The following CCDC3 variants were observed in gnomAD, a reference collection of about 807,000 sequenced individuals.
CCDC3 encodes the protein coiled-coil domain containing 3.
A neutral mutation model predicts 21.4 loss-of-function variants in CCDC3; 24 were observed. That is an observed-to-expected ratio of 1.12 (90% CI 0.81 to 1.58). The LOEUF is 1.58. Ranked by LOEUF, CCDC3 falls within the 40% of genes most tolerant of loss-of-function variation. The pLI is 0.00. For synonymous variants in CCDC3, 186 were observed against 166.0 expected (o/e 1.12, Z -0.93); for missense variants, 425 against 360.9 (o/e 1.18, Z -1.44).
chr10:13,086,062 A>G (rs553990052), intron 3 of CCDC3, among the ~76,000 whole-genome samples: 113 of 152,282 alleles, frequency 7.4e-4, no homozygotes, highest in Admixed American at 1.6e-3. Context: ...GTGGTCATAA[A>G]GGGAAAATAT....
intron 4 of CCDC3, chr10:13,058,546 T>C: frequency 2.8e-6 from 2 of 715,260 alleles, no homozygotes; most frequent in South Asian, 1.5e-5. Flanking sequence ...GGGTGTGCTG[T>C]ATTTATTTTT....
In CCDC3 at chr10:12,929,042, T is replaced by G. The variant is rs1834595327; in HGVS notation, c.550-30363A>C. Among the ~76,000 whole-genome samples the G allele has an allele frequency of 6.6e-5, 10 of 152,004 alleles. No homozygotes were observed. In the South Asian group the frequency reaches 2.1e-3, roughly 32 times the overall value. On this transcript the variant is annotated intron_variant, in intron 2 of 2. Transcript: ENST00000378825. ...ACTTTGGGAGGCCTAGGTGGGTGGA[T>G]CATGAGGTCAGGAGTTCAAGACCAT...
At chr10:12,938,129 C>T (rs144762494) in intron 2 of CCDC3, among the ~76,000 whole-genome samples, 99 of 152,340 alleles carry the variant, frequency 6.5e-4, no homozygotes, top group Middle Eastern at 3.4e-3. Context: ...GTCCCTCAGC[C>T]TTTAGGGTTG....
intron 5 of CCDC3, among the ~76,000 whole-genome samples, chr10:13,018,751 C>T (rs537666300): frequency 1.8e-4 from 27 of 150,388 alleles, no homozygotes; most frequent in African/African-American, 5.4e-4. Context: ...GCCAATATGG[C>T]GAAACCCCGT....
At chr10:12,921,750 T>C (rs995374632) in intron 2 of CCDC3, among the ~76,000 whole-genome samples, 12 of 152,158 alleles carry the variant, frequency 7.9e-5, no homozygotes, top group African/African-American at 2.7e-4. Flanking sequence ...TGTTTTTTGT[T>C]TTTTGTTTTT....
At chr10:13,096,574 A>G (rs1459560903) in intron 3 of CCDC3, among the ~76,000 whole-genome samples, 1 of 152,172 alleles carries the variant, frequency 6.6e-6, no homozygotes, top group Non-Finnish European at 1.5e-5. Flanking sequence ...ACGGCCATGC[A>G]AAACTCCAGG....
At chr10:12,909,417 C>G (rs1384652502) in intron 2 of CCDC3, among the ~76,000 whole-genome samples, 1 of 152,180 alleles carries the variant, frequency 6.6e-6, no homozygotes, top group African/African-American at 2.4e-5. Context: ...CAGTGGGGCA[C>G]CCGGGGGCCA....
At chr10:13,023,820 A>G (rs529230606) in intron 5 of CCDC3, among the ~76,000 whole-genome samples, 16 of 152,286 alleles carry the variant, frequency 1.1e-4, no homozygotes, top group Admixed American at 2.0e-4. Context: ...TCTTGGGTGC[A>G]ACGCCTCTTT....
chr10:12,927,027 T>C (rs2131222722), intron 2 of CCDC3, among the ~76,000 whole-genome samples: 1 of 152,310 alleles, frequency 6.6e-6, no homozygotes, highest in Admixed American at 6.5e-5. Flanking sequence ...GAGTAGTATA[T>C]TAGCAACCAA....
At chr10:13,032,697 A>G (rs964820291) in intron 5 of CCDC3, among the ~76,000 whole-genome samples, 1 of 152,326 alleles carries the variant, frequency 6.6e-6, no homozygotes, top group African/African-American at 2.4e-5. Context: ...TACACCAATA[A>G]CAGACAAACA....
At chr10:12,930,690 T>G (rs1456285648) in intron 2 of CCDC3, among the ~76,000 whole-genome samples, 1 of 151,948 alleles carries the variant, frequency 6.6e-6, no homozygotes, top group Non-Finnish European at 1.5e-5. Flanking sequence ...TTGTGATGAG[T>G]TGGGGGACTA....
At chr10:13,013,649 C>T (rs763632241) in intron 5 of CCDC3, among the ~76,000 whole-genome samples, 12 of 152,060 alleles carry the variant, frequency 7.9e-5, no homozygotes, top group Non-Finnish European at 1.0e-4. Flanking sequence ...TGGAATCTTG[C>T]ACCAGCTGAT....
chr10:12,976,488 C>G (rs2668909), intron 2 of CCDC3, among the ~76,000 whole-genome samples: 107,528 of 151,632 alleles, frequency 0.71, 38,634 homozygotes, highest in African/African-American at 0.84. Context: ...CTCTGGCAGA[C>G]ACCTCCATCA....
intron 2 of CCDC3, among the ~76,000 whole-genome samples, chr10:12,941,556 A>G (rs1360685171): frequency 6.6e-6 from 1 of 152,184 alleles, no homozygotes; most frequent in Non-Finnish European, 1.5e-5. Context: ...ATGTATATTA[A>G]TGTACTTATC....
chr10:12,959,808 C>A (rs1225329765), intron 2 of CCDC3, among the ~76,000 whole-genome samples: 7 of 152,128 alleles, frequency 4.6e-5, no homozygotes, highest in African/African-American at 1.7e-4. Context: ...CCATGGCACC[C>A]AAAACACTCA....
intron 4 of CCDC3, among the ~76,000 whole-genome samples, chr10:13,066,872 G>GT (rs897251356): frequency 5.9e-5 from 9 of 151,906 alleles, no homozygotes; most frequent in Non-Finnish European, 1.2e-4. Flanking sequence ...GAGTTTTTTT[G>GT]TTTTTTTCCC....
In CCDC3 at chr10:12,940,249, T is replaced by C. The variant is rs377376552; in HGVS notation, c.550-41570A>G. Among the ~76,000 whole-genome samples, 12 of 132,506 alleles carry C rather than the reference T, an allele frequency of 9.1e-5. 1 individual carries two copies. Among genetic ancestry groups the C allele is most frequent in the Middle Eastern group, 7.8e-3 (2 of 258 alleles). 86.9% of individuals were successfully genotyped at this position (132,506 alleles called of 152,430 possible). ...AAATTGTTTTTTTTTTTTTTTTTTT[T>C]CCCTGAACCAAACTCCAGTTTACTG... On this transcript the variant is annotated intron_variant, in intron 2 of 2. Transcript: ENST00000378825.
At chr10:13,043,018 C>T (rs190753290) in intron 5 of CCDC3, among the ~76,000 whole-genome samples, 2 of 151,270 alleles carry the variant, frequency 1.3e-5, no homozygotes, top group African/African-American at 4.9e-5. Flanking sequence ...AAGGATATAA[C>T]TTCTGGTAAT....
chr10:12,911,864 A>AT (rs975450539), intron 2 of CCDC3, among the ~76,000 whole-genome samples: 2 of 151,800 alleles, frequency 1.3e-5, no homozygotes, highest in Non-Finnish European at 2.9e-5. Context: ...CTTTTAGCTC[A>AT]TTTTTTTTAG....
Sources: allele counts gnomAD v4.1 joint callset (sites outside exome capture counted in the v4.1 genomes callset), GRCh38; gene constraint gnomAD v4.1.1; transcripts MANE v1.5; gene names NCBI Gene and HGNC (gene_info 2026-07-23, HGNC 2026-07-21).